Variants in COBLL1 observed in about 807,000 individuals in gnomAD.
The protein encoded by COBLL1 is cordon-bleu protein-like 1.
Under a neutral mutation model 94.8 loss-of-function variants are expected in COBLL1, and 50 were observed. That is an observed-to-expected ratio of 0.53 (90% CI 0.42 to 0.67). The LOEUF (loss-of-function observed/expected upper bound fraction) is 0.67, where lower values mean the gene tolerates loss of function less well. COBLL1 is among the 30% of genes least tolerant of loss of function. The pLI, the probability that COBLL1 is intolerant of heterozygous loss-of-function variation, is 0.00. For missense variants in COBLL1, 1,362 were observed against 1,348.7 expected (o/e 1.01, Z -0.15); for synonymous variants, 448 against 473.8 (o/e 0.95, Z 0.71).
chr2:164,719,202 A>G (rs1180383031), intron 7 of COBLL1, among the ~76,000 whole-genome samples: 1 of 152,138 alleles, frequency 6.6e-6, no homozygotes, highest in African/African-American at 2.4e-5. Context: ...ATTAGATGTA[A>G]AAAGAAAAAA....
Position 164,823,209 on chromosome 2 carries a change from G to A in COBLL1, c.41+17947C>T, listed in dbSNP as rs1229258093. On this transcript the variant is annotated intron_variant, in intron 2 of 13. Coordinates refer to ENST00000652658, the MANE Select transcript of COBLL1 (RefSeq NM_001365672.2). ...TCATTACGAGCAGTTACATTACTCC[G>A]TAAGTATAATTTCCATATACTGTAT... 4.6e-5 allele frequency among the ~76,000 whole-genome samples: 7 copies of A among 152,150 alleles called. No individual in the cohort carries two copies. The South Asian group carries it at 1.0e-3, about 23-fold the overall frequency.
At chr2:164,687,745 G>A (rs958051929) in intron 13 of COBLL1, 1 of 608,100 alleles carries the variant, frequency 1.6e-6, no homozygotes, top group Admixed American at 2.5e-5. Flanking sequence ...GCCCCCATAA[G>A]GAAAGGAACT....
At chr2:164,676,921 A>G (rs1310152296), downstream of COBLL1, among the ~76,000 whole-genome samples, 2 of 152,132 alleles carry the variant, frequency 1.3e-5, no homozygotes, top group Non-Finnish European at 2.9e-5. Context: ...ATTTTATTCA[A>G]CCAATTTATA....
intron 2 of COBLL1, among the ~76,000 whole-genome samples, chr2:164,832,757 A>G (rs1457561275): frequency 6.6e-6 from 1 of 152,212 alleles, no homozygotes; most frequent in Non-Finnish European, 1.5e-5. Context: ...ATTAAAAACT[A>G]CAAATGGCCC....
Position 164,685,818 on chromosome 2 carries a change from A to C in COBLL1, c.*128T>G. 2.4e-6 allele frequency: 1 copy of C among 421,936 alleles called. No homozygotes were observed. 26.1% of individuals were successfully genotyped at this position (421,936 alleles called of 1,614,324 possible). On this transcript the variant is annotated 3_prime_UTR_variant, in exon 14 of 14. Coordinates refer to ENST00000652658, the MANE Select transcript of COBLL1 (RefSeq NM_001365672.2). ...TTTTCTTCTGGCATTAAAAGCCACA[A>C]CACAAATTCTAATATTTTAATAGAT...
intron 13 of COBLL1, 99 bp downstream of exon 13, chr2:164,692,122 C>A: frequency 1.9e-6 from 2 of 1,031,254 alleles, no homozygotes; most frequent in Non-Finnish European, 2.7e-6. Flanking sequence ...CTTTGGGAAC[C>A]CTATTTAGAT....
intron 2 of COBLL1, among the ~76,000 whole-genome samples, chr2:164,661,232 T>C (rs1459576713): frequency 6.6e-6 from 1 of 152,022 alleles, no homozygotes; most frequent in Non-Finnish European, 1.5e-5. Flanking sequence ...TATTTATATA[T>C]TAAGAAATAA....
chr2:164,694,579 A>T lies in COBLL1; in HGVS notation c.2813T>A (p.Val938Asp). Residue 938 changes from valine (V) to aspartate (D), a missense_variant, in exon 12 of 14, where the codon GTC becomes GAC. Transcript: ENST00000652658. ...QPLVEKTDDD[V>D]IGQAPAEASP... Reference sequence around the variant, plus strand: ...GGCTTCAGCAGGAGCCTGACCGATGACATCATCATCAGTTTTTTCAACAAG... The same window carrying T: ...GGCTTCAGCAGGAGCCTGACCGATGTCATCATCATCAGTTTTTTCAACAAG... 2.5e-6 allele frequency: 4 copies of T among 1,613,938 alleles called. No individual in the cohort carries two copies. Among genetic ancestry groups the T allele is most frequent in the Non-Finnish European group, 3.4e-6 (4 of 1,179,958 alleles).
intron 5 of COBLL1, among the ~76,000 whole-genome samples, chr2:164,725,219 A>G (rs1349286984): frequency 6.6e-6 from 1 of 151,022 alleles, no homozygotes; most frequent in Non-Finnish European, 1.5e-5. Context: ...AAAGACAAAC[A>G]GGCATTAAAC....
At chr2:164,759,715 T>C (rs1373287971) in intron 2 of COBLL1, among the ~76,000 whole-genome samples, 5 of 152,096 alleles carry the variant, frequency 3.3e-5, no homozygotes, top group Non-Finnish European at 7.4e-5. Context: ...CTAAACTCCA[T>C]AGCAAGAAAC....
chr2:164,753,939 G>A (rs1375844675), intron 2 of COBLL1, among the ~76,000 whole-genome samples: 3 of 151,730 alleles, frequency 2.0e-5, no homozygotes, highest in Non-Finnish European at 2.9e-5. Context: ...CACCACGTTG[G>A]CCAGGCTGGT....
At chr2:164,753,875 G>A (rs886525163) in intron 2 of COBLL1, among the ~76,000 whole-genome samples, 2 of 151,732 alleles carry the variant, frequency 1.3e-5, no homozygotes, top group African/African-American at 2.4e-5. Context: ...CTGAGTAGCT[G>A]GAAGTATAGG....
At chr2:164,734,547 G>T (rs1390445217) in intron 3 of COBLL1, among the ~76,000 whole-genome samples, 1 of 152,148 alleles carries the variant, frequency 6.6e-6, no homozygotes, top group Non-Finnish European at 1.5e-5. Flanking sequence ...TTACATTCTG[G>T]TTTTTGTATT....
intron 2 of COBLL1, among the ~76,000 whole-genome samples, chr2:164,772,788 T>C (rs1289024935): frequency 5.3e-5 from 8 of 152,082 alleles, no homozygotes; most frequent in Admixed American, 5.2e-4. Context: ...CAGACATCTA[T>C]TTAAGGGATG....
At chr2:164,824,856 A>G (rs1390592259) in intron 2 of COBLL1, among the ~76,000 whole-genome samples, 1 of 152,230 alleles carries the variant, frequency 6.6e-6, no homozygotes, top group East Asian at 1.9e-4. Flanking sequence ...GTTCCATTTA[A>G]GATCACTCTT....
chr2:164,807,177 G>A (rs1300452883), intron 2 of COBLL1, among the ~76,000 whole-genome samples: 2 of 152,078 alleles, frequency 1.3e-5, no homozygotes, highest in African/African-American at 4.8e-5. Context: ...CAGGCATGGT[G>A]GCTCACACCT....
At chr2:164,822,591 T>A (rs1685218248) in intron 2 of COBLL1, among the ~76,000 whole-genome samples, 1 of 152,082 alleles carries the variant, frequency 6.6e-6, no homozygotes. Flanking sequence ...GAAACTTGGC[T>A]CTGGTCAAGA....
At chr2:164,691,920 T>C (rs1473169152) in intron 13 of COBLL1, among the ~76,000 whole-genome samples, 3 of 151,962 alleles carry the variant, frequency 2.0e-5, no homozygotes, top group Admixed American at 1.3e-4. Flanking sequence ...TTCCAAAGAG[T>C]CTTTCTCGAG....
At chr2:164,839,865 A>G (rs1257257101) in intron 2 of COBLL1, among the ~76,000 whole-genome samples, 1 of 152,230 alleles carries the variant, frequency 6.6e-6, no homozygotes, top group South Asian at 2.1e-4. Flanking sequence ...AAACCTGGGG[A>G]AAGAAAAGAA....
Sources: gnomAD v4.1 joint callset for allele counts (sites outside exome capture counted in the v4.1 genomes callset) on GRCh38, gnomAD v4.1.1 for gene constraint, MANE v1.5 for transcripts, NCBI Gene and HGNC (gene_info 2026-07-23, HGNC 2026-07-21) for gene names.